The following WDR37 variants were observed in gnomAD, a reference collection of about 807,000 sequenced individuals.
The protein encoded by WDR37 is WD repeat domain 37.
Under a neutral mutation model 62.9 loss-of-function variants are expected in WDR37, and 19 were observed. That is an observed-to-expected ratio of 0.30 (90% CI 0.21 to 0.44). The LOEUF (loss-of-function observed/expected upper bound fraction) is 0.44. Ranked by LOEUF, WDR37 falls within the 20% of genes least tolerant of loss-of-function variation. The probability of loss-of-function intolerance (pLI) is 1.00; values close to 1 mark genes in which losing one functional copy is unlikely to be tolerated. For synonymous variants in WDR37, 250 were observed against 260.9 expected, an observed-to-expected ratio of 0.96 and a Z score of 0.40; for missense variants, 474 against 657.6, an observed-to-expected ratio of 0.72 and a Z score of 3.05.
intron 9 of WDR37, among the ~76,000 whole-genome samples, chr10:1,100,239 T>C (rs1834746587): frequency 6.6e-6 from 1 of 152,086 alleles, no homozygotes; most frequent in South Asian, 2.1e-4. Context: ...GGGTTCTGAG[T>C]TAAAGATGAA....
chr10:1,094,682 G>A (rs1834509365), intron 8 of WDR37, among the ~76,000 whole-genome samples: 1 of 152,226 alleles, frequency 6.6e-6, no homozygotes, highest in South Asian at 2.1e-4. Flanking sequence ...GGCTGGAAAA[G>A]AGGGTGGAAC....
Position 1,126,374 on chromosome 10 carries a change from C to A in WDR37, c.1353+1350C>A, listed in dbSNP as rs372900960. On this transcript the variant is annotated intron_variant, in intron 13 of 13. Transcript: ENST00000263150. ...TGAGCTGAGATCGCGCCACTGCACT[C>A]CAGCCTGGGCGACAGAGCGAGACTG... Among the ~76,000 whole-genome samples the A allele has an allele frequency of 7.9e-4, 119 of 150,120 alleles. 1 individual carries two copies. The highest frequency in any genetic ancestry group is 5.3e-4 in the Admixed American group (8 of 15,200).
rs1490777334 is a variant in WDR37 at position 1,106,000 on chromosome 10, T to C, written c.1103+733T>C. Among the ~76,000 whole-genome samples the C allele has an allele frequency of 1.3e-5, 2 of 152,096 alleles. No homozygotes were observed. Among genetic ancestry groups the C allele is most frequent in the East Asian group, 3.9e-4 (2 of 5,180 alleles). ...TGGGGTTTCACCGTGATAGCCAGGATGGTCTCGATCTCCTGACGTCGTGAT... is the reference window on the plus strand; with the variant it reads ...TGGGGTTTCACCGTGATAGCCAGGACGGTCTCGATCTCCTGACGTCGTGAT... On this transcript the variant is annotated intron_variant, in intron 11 of 13. Coordinates refer to ENST00000263150, the MANE Select transcript of WDR37 (RefSeq NM_014023.4). This position sits in a 1 kb window ranked among gnomAD's most constrained non-coding sequence, Gnocchi z 5.3.
chr10:1,072,353 C>T (rs1009438131), intron 2 of WDR37, 60 bp downstream of exon 2: 89 of 1,593,258 alleles, frequency 5.6e-5, no homozygotes, highest in Non-Finnish European at 7.0e-5. Flanking sequence ...GAGTTTCGCT[C>T]GTTTCCCCGG....
intron 7 of WDR37, 65 bp downstream of exon 7, chr10:1,086,422 C>T (rs375387025): frequency 1.3e-5 from 18 of 1,350,182 alleles, no homozygotes; most frequent in Non-Finnish European, 1.9e-5. Context: ...TTTTTAAAAT[C>T]GTGCATGATA....
intron 2 of WDR37, among the ~76,000 whole-genome samples, chr10:1,075,818 G>A (rs1030412544): frequency 2.7e-5 from 4 of 146,804 alleles, no homozygotes; most frequent in African/African-American, 5.0e-5. Context: ...GTCTCGCTCC[G>A]TTGTCCAGGC....
chr10:1,119,276 C>T (rs1221912099), intron 11 of WDR37, among the ~76,000 whole-genome samples: 1 of 152,170 alleles, frequency 6.6e-6, no homozygotes, highest in Non-Finnish European at 1.5e-5. Flanking sequence ...TTACTGAGTC[C>T]AGGCACCACA....
Position 1,126,352 on chromosome 10 carries a change from G to A in WDR37, c.1353+1328G>A, listed in dbSNP as rs866892856. On this transcript the variant is annotated intron_variant, in intron 13 of 13. Transcript: ENST00000263150. ...ACCCAGGAGGCGGAGCTTGCAGTGA[G>A]CTGAGATCGCGCCACTGCACTCCAG... Among the ~76,000 whole-genome samples the A allele has an allele frequency of 8.6e-5, 13 of 150,440 alleles. No individual in the cohort carries two copies. The Middle Eastern group carries it at 0.014, about 157-fold the overall frequency.
rs2131658131 is a variant in WDR37 at position 1,101,734 on chromosome 10, C to T, written c.727-1868C>T. Among the ~76,000 whole-genome samples the T allele has an allele frequency of 2.0e-5, 3 of 152,348 alleles. 1 individual carries two copies. The highest frequency in any genetic ancestry group is 4.4e-5 in the Non-Finnish European group (3 of 68,014). ...CCCGACTTTGCCTCCCGTAGCTGTT[C>T]CGCACATGGCGGGAATGTTGTTCCT... On this transcript the variant is annotated intron_variant, in intron 9 of 13. Transcript: ENST00000263150.
chr10:1,073,329 T>C (rs1336705880), intron 2 of WDR37, among the ~76,000 whole-genome samples: 1 of 152,218 alleles, frequency 6.6e-6, no homozygotes, highest in Non-Finnish European at 1.5e-5. Flanking sequence ...TCTGTGAATA[T>C]TGGATTTTGT....
At chr10:1,075,775 T>C (rs537148389) in intron 2 of WDR37, among the ~76,000 whole-genome samples, 2 of 140,814 alleles carry the variant, frequency 1.4e-5, no homozygotes, top group South Asian at 4.7e-4. Context: ...TTCATAGTTA[T>C]TGGAACTTCT....
chr10:1,067,857 G>GCA (rs142959146), intron 1 of WDR37, among the ~76,000 whole-genome samples: 84 of 151,348 alleles, frequency 5.6e-4, no homozygotes, highest in South Asian at 1.3e-3. Context: ...AATGTGGTGC[G>GCA]CACACACACA....
intron 9 of WDR37, among the ~76,000 whole-genome samples, chr10:1,102,977 G>C (rs183171823): frequency 5.9e-5 from 9 of 152,278 alleles, no homozygotes; most frequent in African/African-American, 2.2e-4. Context: ...CTTCTGCATT[G>C]TGTAAGCAGC....
rs71376886 is a variant in WDR37 at position 1,079,091 on chromosome 10, G to GT, written c.236-909dup. Among the ~76,000 whole-genome samples, 408 of 147,866 alleles carry GT rather than the reference G, an allele frequency of 2.8e-3. 1 individual carries two copies. The highest frequency in any genetic ancestry group is 7.8e-3 in the African/African-American group (316 of 40,332). On this transcript the variant is annotated intron_variant, in intron 3 of 13. Transcript: ENST00000263150. ...AGGGAAAAATCATTTCAACTTTTTT[G>GT]TTTTTTTTTTTGAGACAAAATCTTG...
intron 9 of WDR37, 72 bp downstream of exon 9, chr10:1,096,318 T>G (rs149336580): frequency 5.3e-5 from 80 of 1,519,994 alleles, no homozygotes; most frequent in Non-Finnish European, 7.2e-5. Flanking sequence ...ATTTATGATA[T>G]CTGTCATGGA....
At chr10:1,115,012 T>C (rs1396521157) in intron 11 of WDR37, among the ~76,000 whole-genome samples, 7 of 149,506 alleles carry the variant, frequency 4.7e-5, no homozygotes, top group Non-Finnish European at 1.0e-4. Flanking sequence ...TTTCCTCCCC[T>C]CCCCATCTCC....
intron 2 of WDR37, among the ~76,000 whole-genome samples, chr10:1,074,057 A>G (rs1433337108): frequency 6.6e-6 from 1 of 152,234 alleles, no homozygotes; most frequent in African/African-American, 2.4e-5. Context: ...GCTGCTGAGC[A>G]CTTGAAATGT....
At chr10:1,092,179 C>CAAAAAAAA (rs1216415362) in intron 7 of WDR37, among the ~76,000 whole-genome samples, 1 of 68,842 alleles carries the variant, frequency 1.5e-5, no homozygotes, top group Non-Finnish European at 2.8e-5. Context: ...GACTCCGTCT[C>CAAAAAAAA]AAAAAAAAAA....
intron 11 of WDR37, among the ~76,000 whole-genome samples, chr10:1,117,935 A>G (rs113507537): frequency 9.3e-3 from 802 of 86,216 alleles, no homozygotes; most frequent in Middle Eastern, 0.016. Context: ...GCCACCCTCA[A>G]CCAGCTCTGT....
Sources: allele counts gnomAD v4.1 joint callset (sites outside exome capture counted in the v4.1 genomes callset), GRCh38; gene constraint gnomAD v4.1.1; non-coding constraint Gnocchi (gnomAD v3.1); transcripts MANE v1.5; gene names NCBI Gene and HGNC (gene_info 2026-07-23, HGNC 2026-07-21).